The following TMEM131 variants were observed in gnomAD, a reference collection of about 807,000 sequenced individuals.
The protein encoded by TMEM131 is 2610524E03Rik.
In TMEM131, 66 loss-of-function variants were observed where a neutral mutation model predicts 211.6. That is an observed-to-expected ratio of 0.31 (90% CI 0.26 to 0.38). The LOEUF is 0.38. Among genes scored for constraint, TMEM131 ranks in the 10% least tolerant of loss-of-function variants. TMEM131 has a pLI of 1.00. For synonymous variants in TMEM131, 844 were observed against 841.3 expected (o/e 1.00, Z -0.06); for missense variants, 2,036 against 2,299.3 (o/e 0.89, Z 2.34).
intron 1 of TMEM131, among the ~76,000 whole-genome samples, chr2:97,993,681 TAC>T (rs1448586315): frequency 6.6e-6 from 1 of 152,232 alleles, no homozygotes; most frequent in Admixed American, 6.5e-5. Flanking sequence ...ACCCCTTTAA[TAC>T]ATACTTAACA....
intron 22 of TMEM131, among the ~76,000 whole-genome samples, chr2:97,803,453 T>C (rs1005739355): frequency 6.6e-6 from 1 of 152,212 alleles, no homozygotes; most frequent in Non-Finnish European, 1.5e-5. Flanking sequence ...TACTTATAAG[T>C]GTGTATAAGC....
chr2:97,975,102 G>A (rs1396238125), intron 1 of TMEM131, among the ~76,000 whole-genome samples: 4 of 152,010 alleles, frequency 2.6e-5, no homozygotes, highest in Admixed American at 6.6e-5. Context: ...ACCAAGTATG[G>A]TCTCTGGCCA....
chr2:97,876,264 T>C (rs755044338), intron 4 of TMEM131, among the ~76,000 whole-genome samples: 7 of 152,188 alleles, frequency 4.6e-5, no homozygotes, highest in Non-Finnish European at 8.8e-5. Context: ...CACAGCCAAA[T>C]TCTATCAGAG....
chr2:97,855,416 T>A (rs1340038154), intron 5 of TMEM131, among the ~76,000 whole-genome samples: 2 of 152,184 alleles, frequency 1.3e-5, no homozygotes, highest in Non-Finnish European at 2.9e-5. Flanking sequence ...AATGGCATTA[T>A]AGGCAAGGCA....
At chr2:97,784,377 G>T (rs1445634884) in intron 31 of TMEM131, among the ~76,000 whole-genome samples, 1 of 151,980 alleles carries the variant, frequency 6.6e-6, no homozygotes, top group Non-Finnish European at 1.5e-5. Flanking sequence ...ACATTTAAAA[G>T]AAATGAAATC....
Position 97,797,319 on chromosome 2 carries a change from T to C in TMEM131, c.2870+46A>G, listed in dbSNP as rs781296220. On this transcript the variant is annotated intron_variant, in intron 26 of 40. Coordinates refer to ENST00000186436, the MANE Select transcript of TMEM131 (RefSeq NM_015348.2). ...TCATCTTAAAACAAGTGAGGACTTC[T>C]AAGTAAGTAGTAAAAATGAACCCAC... The C allele has an allele frequency of 8.0e-6, 12 of 1,505,570 alleles. No individual in the cohort carries two copies. In the East Asian group the frequency reaches 2.7e-4, roughly 34 times the overall value. The allele number at this position is 1,505,570 out of a possible 1,614,324, so 93.3% of individuals were successfully genotyped here.
intron 33 of TMEM131, 74 bp from the exon 34 acceptor site, chr2:97,766,676 ATTC>A (rs1679183964): frequency 1.3e-6 from 2 of 1,547,758 alleles, no homozygotes; most frequent in South Asian, 2.3e-5. Flanking sequence ...TAAGATTGTA[ATTC>A]TTCTACAATA....
intron 1 of TMEM131, among the ~76,000 whole-genome samples, chr2:97,971,770 G>A (rs1479885582): frequency 2.6e-5 from 4 of 152,218 alleles, no homozygotes; most frequent in Admixed American, 2.0e-4. Context: ...GCTGAGGCAG[G>A]AGGATTGCTT....
At chr2:97,827,490 G>A (rs1300162247) in intron 11 of TMEM131, 33 of 1,072,400 alleles carry the variant, frequency 3.1e-5, no homozygotes, top group East Asian at 2.1e-4. Flanking sequence ...ATGGGGAAAC[G>A]AAAACTGAGG....
At chr2:97,887,939 A>G (rs773834810) in intron 4 of TMEM131, 113 bp downstream of exon 4, 20 of 784,010 alleles carry the variant, frequency 2.6e-5, no homozygotes, top group Non-Finnish European at 3.7e-5. Context: ...CCTGATGACT[A>G]GAACATGTAA....
chr2:97,810,115 AAAAG>A (rs1348014109), intron 18 of TMEM131, among the ~76,000 whole-genome samples: 2 of 152,210 alleles, frequency 1.3e-5, no homozygotes, highest in Non-Finnish European at 2.9e-5. Context: ...ATTATTTTAA[AAAAG>A]AAAGTCAAAC....
intron 1 of TMEM131, among the ~76,000 whole-genome samples, chr2:97,990,573 A>C (rs1680220066): frequency 6.6e-6 from 1 of 152,208 alleles, no homozygotes; most frequent in Non-Finnish European, 1.5e-5. Flanking sequence ...TTAGGGTTTT[A>C]TGAGAATCTG....
chr2:97,983,248 G>C (rs1213106608), intron 1 of TMEM131, among the ~76,000 whole-genome samples: 1 of 152,152 alleles, frequency 6.6e-6, no homozygotes, highest in Non-Finnish European at 1.5e-5. Flanking sequence ...GACAGTAACA[G>C]TAGAAACTGC....
chr2:97,830,154 A>AC (rs1362957832), intron 11 of TMEM131, among the ~76,000 whole-genome samples: 1 of 151,002 alleles, frequency 6.6e-6, no homozygotes, highest in Non-Finnish European at 1.5e-5. Flanking sequence ...AAAAAAAAAA[A>AC]AACCAAACCC....
chr2:97,948,095 G>A (rs924519467), intron 1 of TMEM131, among the ~76,000 whole-genome samples: 2 of 151,930 alleles, frequency 1.3e-5, no homozygotes, highest in Non-Finnish European at 2.9e-5. Flanking sequence ...AAATCAACAC[G>A]GGAAAATTTT....
At chr2:97,796,709 A>T in intron 27 of TMEM131, 135 bp downstream of exon 27, 1 of 921,614 alleles carries the variant, frequency 1.1e-6, no homozygotes, top group South Asian at 1.8e-5. Flanking sequence ...CACAACATGG[A>T]ATTTCCTTAA....
chr2:97,901,135 T>G (rs1475816091), intron 3 of TMEM131, among the ~76,000 whole-genome samples: 6 of 152,184 alleles, frequency 3.9e-5, no homozygotes, highest in Non-Finnish European at 1.5e-5. Flanking sequence ...GATTATTCTT[T>G]GAAGCACTGT....
chr2:97,990,817 T>C (rs62158265), intron 1 of TMEM131, among the ~76,000 whole-genome samples: 11,849 of 152,244 alleles, frequency 0.078, 526 homozygotes, highest in Middle Eastern at 0.12. Flanking sequence ...GCTTTGTAAA[T>C]AGTTTTGTAC....
At position 97,995,469 on chromosome 2, in the gene TMEM131, C is replaced by A. The variant is rs1000164300; in HGVS notation, c.187+7G>T. ...CCGCCGCAGGGACGCCGCCGGGGGA[C>A]ACCCACCTTCCTTCTCGGCCCGCGC... On this transcript the variant is annotated splice_region_variant and intron_variant, in intron 1 of 40. Transcript: ENST00000186436. The A allele has an allele frequency of 1.7e-5, 23 of 1,393,940 alleles. No individual in the cohort carries two copies. The African/African-American group carries it at 2.4e-4, about 15-fold the overall frequency. The allele number at this position is 1,393,940 out of a possible 1,614,324, so 86.3% of individuals were successfully genotyped here. A position where few individuals can be genotyped will look rare whatever the true frequency, so the allele number is the denominator to read the frequency against.
Sources: allele counts gnomAD v4.1 joint callset (sites outside exome capture counted in the v4.1 genomes callset), GRCh38; gene constraint gnomAD v4.1.1; transcripts MANE v1.5; gene names NCBI Gene and HGNC (gene_info 2026-07-23, HGNC 2026-07-21).